Variants in HERC1 observed in about 807,000 individuals in gnomAD.
HERC1 encodes probable E3 ubiquitin-protein ligase HERC1.
Under a neutral mutation model 554.3 loss-of-function variants are expected in HERC1, and 160 were observed. The ratio of observed to expected loss-of-function variants is 0.29; its 90% CI spans 0.25 to 0.33. The LOEUF is 0.33. HERC1 is among the 10% of genes least tolerant of loss of function. The probability of loss-of-function intolerance (pLI) is 1.00; values close to 1 mark genes in which losing one functional copy is unlikely to be tolerated. For missense variants in HERC1, 4,919 were observed against 5,918.5 expected, an observed-to-expected ratio of 0.83 and a Z score of 5.54; for synonymous variants, 2,175 against 2,131.7, an observed-to-expected ratio of 1.02 and a Z score of -0.56.
chr15:63,678,796 C>G lies in HERC1; in HGVS notation c.6550-431G>C, dbSNP rs909978700. Among the ~76,000 whole-genome samples the G allele has an allele frequency of 3.3e-5, 5 of 152,294 alleles. No homozygotes were observed. In the South Asian group the frequency reaches 6.2e-4, roughly 19 times the overall value. ...CATAAAGTCACAATCTGGATACACA[C>G]TGCAAATAAGACACAGAAGTAAAAA... On this transcript the variant is annotated intron_variant, in intron 36 of 77. Coordinates refer to ENST00000443617, the MANE Select transcript of HERC1 (RefSeq NM_003922.4).
intron 4 of HERC1, among the ~76,000 whole-genome samples, chr15:63,757,175 T>C (rs541422496): frequency 9.9e-5 from 15 of 151,720 alleles, no homozygotes; most frequent in African/African-American, 3.6e-4. Context: ...AATAGAAAGT[T>C]CTAGCTGGGC....
At chr15:63,744,164 G>GTGTCTCTCTCTCTCTCTCTC in intron 12 of HERC1, among the ~76,000 whole-genome samples, 6 of 46,218 alleles carry the variant, frequency 1.3e-4, no homozygotes, top group Non-Finnish European at 3.2e-4. Context: ...GTGTGTGTGT[G>GTGTCTCTCTCTCTCTCTCTC]TCTCTCTCTC....
intron 19 of HERC1, among the ~76,000 whole-genome samples, chr15:63,722,028 T>C (rs780506473): frequency 2.6e-5 from 4 of 152,090 alleles, no homozygotes; most frequent in Non-Finnish European, 5.9e-5. Context: ...GACCAGCTAA[T>C]ATTTTTTTGT....
chr15:63,689,485 A>G lies in HERC1; in HGVS notation c.6048+104T>C, dbSNP rs1490983295. 6 of 618,650 alleles carry G rather than the reference A, an allele frequency of 9.7e-6. No homozygotes were observed. The East Asian group carries it at 1.7e-4, about 18-fold the overall frequency. The allele number at this position is 618,650 out of a possible 1,614,324, so 38.3% of individuals were successfully genotyped here. A position where few individuals can be genotyped will look rare whatever the true frequency, so the allele number is the denominator to read the frequency against. On this transcript the variant is annotated intron_variant, in intron 33 of 77. Coordinates refer to ENST00000443617, the MANE Select transcript of HERC1 (RefSeq NM_003922.4). ...ACAGAATGCCAAGAGAGGAAATGGA[A>G]TAAATGATAGAGCAAGGTGCCTCAG...
At chr15:63,762,314 T>G (rs914114333) in intron 3 of HERC1, among the ~76,000 whole-genome samples, 9 of 152,102 alleles carry the variant, frequency 5.9e-5, no homozygotes, top group African/African-American at 2.2e-4. Flanking sequence ...TGTGGGTTCA[T>G]AATGATTATT....
At chr15:63,809,710 T>G (rs544239383) in intron 1 of HERC1, among the ~76,000 whole-genome samples, 1 of 152,090 alleles carries the variant, frequency 6.6e-6, no homozygotes, top group Non-Finnish European at 1.5e-5. Context: ...CAACATTTTC[T>G]TAGTGTAGTT....
At position 63,775,441 on chromosome 15, in the gene HERC1, C is replaced by A; in HGVS notation, c.183G>T (p.Gln61His). 6.2e-7 allele frequency: 1 copy of A among 1,613,990 alleles called. No homozygotes were observed. Among genetic ancestry groups the A allele is most frequent in the Admixed American group, 1.7e-5 (1 of 60,020 alleles). ...GAGACTCACGTTCAAAGTCTGGCAACTGTGGTCCTTTGAGGCATAAAACTT... is the reference window on the plus strand; with the variant it reads ...GAGACTCACGTTCAAAGTCTGGCAAATGTGGTCCTTTGAGGCATAAAACTT... ...PQQVLCLKGP[Q>H]LPDFERESLS... Residue 61 changes from glutamine to histidine, a missense_variant, in exon 2 of 78, where the codon CAG (glutamine) becomes CAT (histidine). Around this residue, in one of 11 missense-constraint regions of HERC1, gnomAD observed 110 missense variants for 99.3 expected, o/e 1.11. Coordinates refer to ENST00000443617, the MANE Select transcript of HERC1 (RefSeq NM_003922.4). This position sits in a 1 kb window ranked among gnomAD's most constrained non-coding sequence, Gnocchi z 4.0.
intron 64 of HERC1, among the ~76,000 whole-genome samples, chr15:63,636,787 AT>A (rs1351001227): frequency 2.6e-5 from 4 of 152,110 alleles, no homozygotes; most frequent in African/African-American, 9.7e-5. Flanking sequence ...CTAACATCCC[AT>A]TTTTACAAGT....
rs1387832863 is a variant in HERC1, at chr15:63,678,348, C to T, written c.6567G>A (p.Met2189Ile). The T allele has an allele frequency of 2.5e-6, 4 of 1,596,358 alleles. No homozygotes were observed. The highest frequency in any genetic ancestry group is 2.6e-6 in the Non-Finnish European group (3 of 1,172,896). Residue 2189 changes from methionine (M) to isoleucine (I), a missense_variant, in exon 37 of 78, where the codon ATG becomes ATA. Met to Ile is a conservative substitution (Grantham distance 10). Coordinates refer to ENST00000443617, the MANE Select transcript of HERC1 (RefSeq NM_003922.4). Reference sequence around the variant, plus strand: ...AGTCTCGGGGTGTGCCACGCATCTGCATATCACAAATTTTCACCTATATAA... The same window carrying T: ...AGTCTCGGGGTGTGCCACGCATCTGTATATCACAAATTTTCACCTATATAA... ...NPGEKVKICD[M>I]QMRGTPRDLL... is the part of the protein sequence containing the mutation.
intron 12 of HERC1, among the ~76,000 whole-genome samples, chr15:63,737,469 ATC>A (rs2074572618): frequency 8.8e-6 from 1 of 113,586 alleles, no homozygotes; most frequent in Non-Finnish European, 1.8e-5. Context: ...ATATATATAT[ATC>A]TTTTTTCCAG....
In HERC1 at chr15:63,612,059, G is replaced by C. The variant is rs538193188; in HGVS notation, c.14400+192C>G. Among the ~76,000 whole-genome samples the C allele has an allele frequency of 6.6e-5, 10 of 152,142 alleles. No individual in the cohort carries two copies. The highest frequency in any genetic ancestry group is 1.0e-4 in the Non-Finnish European group (7 of 68,022). ...AAAAATTAGCCAGGCGTGGTGGCAC[G>C]CACCTGTAGTCCCAGCTACTGCGGA... On this transcript the variant is annotated intron_variant, in intron 77 of 77. Transcript: ENST00000443617. The surrounding 1 kb of genome is among the most constrained non-coding windows in gnomAD (Gnocchi z 5.0).
At chr15:63,790,778 C>CT (rs375859669) in intron 1 of HERC1, among the ~76,000 whole-genome samples, 2,810 of 128,556 alleles carry the variant, frequency 0.022, 40 homozygotes, top group East Asian at 0.034. Flanking sequence ...GTAGGGTTTT[C>CT]TTTTTTTTTT....
chr15:63,731,669 C>G (rs183777419), intron 14 of HERC1, among the ~76,000 whole-genome samples: 220 of 152,274 alleles, frequency 1.4e-3, no homozygotes, highest in African/African-American at 4.9e-3. Context: ...CGGGATAGAG[C>G]ACTAAGACTT....
intron 45 of HERC1, among the ~76,000 whole-genome samples, chr15:63,661,475 AG>A (rs2070355677): frequency 6.6e-6 from 1 of 152,246 alleles, no homozygotes; most frequent in African/African-American, 2.4e-5. Context: ...AGAATTGAGT[AG>A]AAGCCTCCTG....
At chr15:63,688,614 T>G (rs1001522946) in intron 33 of HERC1, among the ~76,000 whole-genome samples, 2 of 152,052 alleles carry the variant, frequency 1.3e-5, no homozygotes, top group Non-Finnish European at 2.9e-5. Flanking sequence ...AATCCAACAC[T>G]TAGATTGAAT....
At chr15:63,686,634 T>A (rs924423723) in intron 33 of HERC1, 99 bp from the exon 34 acceptor site, 10 of 951,168 alleles carry the variant, frequency 1.1e-5, no homozygotes, top group South Asian at 1.6e-5. Context: ...ATATTTATTA[T>A]GTATCTACTA....
chr15:63,669,439 TTTACC>T, intron 40 of HERC1, 94 bp downstream of exon 40: 1 of 1,157,604 alleles, frequency 8.6e-7, no homozygotes, highest in Non-Finnish European at 1.3e-6. Context: ...AAATCACTGT[TTTACC>T]TTCTGTGAAG....
In HERC1 at chr15:63,753,089, T is replaced by A. The variant is rs574657489; in HGVS notation, c.1775-4A>T. The A allele has an allele frequency of 1.9e-6, 3 of 1,586,286 alleles. No individual in the cohort carries two copies. Among genetic ancestry groups the A allele is most frequent in the African/African-American group, 2.7e-5 (2 of 73,780 alleles). The stretch of plus-strand genomic sequence containing the variant: ...GTATCACCATGACCAAGTTTACCTA[T>A]AAAAACAAACACATTAAACAATTTA... On this transcript the variant is annotated splice_polypyrimidine_tract_variant and splice_region_variant and intron_variant, in intron 7 of 77. Transcript: ENST00000443617.
chr15:63,753,902 G>A (rs1387316506), intron 7 of HERC1, among the ~76,000 whole-genome samples: 6 of 152,132 alleles, frequency 3.9e-5, no homozygotes, highest in Non-Finnish European at 8.8e-5. Flanking sequence ...TGCCGGGCAC[G>A]GAGGTTCATG....
Sources: gnomAD v4.1 joint callset for allele counts (sites outside exome capture counted in the v4.1 genomes callset) on GRCh38, gnomAD v4.1.1 for gene constraint, gnomAD v4.1.1 regional missense constraint, Gnocchi (gnomAD v3.1) non-coding constraint, MANE v1.5 for transcripts, NCBI Gene and HGNC (gene_info 2026-07-23, HGNC 2026-07-21) for gene names.